Variants in SNX27 observed in about 807,000 individuals in gnomAD.
The protein encoded by SNX27 is sorting nexin 27.
SNX27 carries 22 observed loss-of-function variants against 71.6 expected under a neutral mutation model. The observed-to-expected ratio is 0.31, with a 90% CI of 0.22 to 0.44. The LOEUF is 0.44. Ranked by LOEUF, SNX27 falls within the 20% of genes least tolerant of loss-of-function variation. The pLI is 1.00. For missense variants in SNX27, 531 were observed against 698.6 expected (o/e 0.76, Z 2.70); for synonymous variants, 269 against 277.2 (o/e 0.97, Z 0.29).
chr1:151,650,516 A>G (rs1231170345), intron 2 of SNX27, among the ~76,000 whole-genome samples: 1 of 151,856 alleles, frequency 6.6e-6, no homozygotes, highest in Non-Finnish European at 1.5e-5. Context: ...TGGAGGTTCT[A>G]GTTACCTGTG....
chr1:151,657,964 G>A (rs1258901034), intron 2 of SNX27, among the ~76,000 whole-genome samples: 2 of 152,092 alleles, frequency 1.3e-5, no homozygotes, highest in Non-Finnish European at 2.9e-5. Context: ...TCATGCCACT[G>A]CACTCCAGCC....
chr1:151,667,139 G>A (rs1174276180), intron 6 of SNX27: 1 of 150,480 alleles, frequency 6.6e-6, no homozygotes, highest in Non-Finnish European at 1.5e-5. Context: ...GGCGGTCCAA[G>A]CTAGGAGGCT....
At chr1:151,632,022 T>G (rs1426680556) in intron 1 of SNX27, among the ~76,000 whole-genome samples, 1 of 152,174 alleles carries the variant, frequency 6.6e-6, no homozygotes, top group Non-Finnish European at 1.5e-5. Context: ...AAAAAGAATC[T>G]GAATTATGTT....
At chr1:151,691,634 C>G (rs1671455644) in intron 8 of SNX27, among the ~76,000 whole-genome samples, 1 of 151,624 alleles carries the variant, frequency 6.6e-6, no homozygotes, top group Non-Finnish European at 1.5e-5. Context: ...CCATGCTTGG[C>G]TAATTTTTTG....
At chr1:151,678,581 T>C (rs767450714) in intron 7 of SNX27, 1 of 152,234 alleles carries the variant, frequency 6.6e-6, no homozygotes, top group Non-Finnish European at 1.5e-5. Context: ...AGATATCTTG[T>C]TGAGATCCTT....
At chr1:151,657,491 C>T (rs1669750031) in intron 2 of SNX27, among the ~76,000 whole-genome samples, 2 of 152,052 alleles carry the variant, frequency 1.3e-5, no homozygotes, top group Admixed American at 1.3e-4. Context: ...CATTTTTAGG[C>T]CTTTTCTTTG....
At chr1:151,673,515 T>C (rs1670536783) in intron 7 of SNX27, among the ~76,000 whole-genome samples, 1 of 152,130 alleles carries the variant, frequency 6.6e-6, no homozygotes, top group Non-Finnish European at 1.5e-5. Context: ...TTGGATGAAG[T>C]GTTCTGTAAA....
rs769399971 is a variant in SNX27 at position 151,639,171 on chromosome 1, T to A, written c.543+52T>A. On this transcript the variant is annotated intron_variant, in intron 2 of 11. Coordinates refer to ENST00000458013, the MANE Select transcript of SNX27 (RefSeq NM_001330723.2). ...GAACATCTAGCTTTGTTTCCCCTAGTCTTATAATTATGAAACTATTATAGT... is the reference window on the plus strand; with the variant it reads ...GAACATCTAGCTTTGTTTCCCCTAGACTTATAATTATGAAACTATTATAGT... The A allele has an allele frequency of 4.7e-6, 7 of 1,498,298 alleles. No homozygotes were observed. The East Asian group carries it at 1.6e-4, about 34-fold the overall frequency. The allele number at this position is 1,498,298 out of a possible 1,614,324, so 92.8% of individuals were successfully genotyped here. A position where few individuals can be genotyped will look rare whatever the true frequency, so the allele number is the denominator to read the frequency against.
At chr1:151,691,680 T>C (rs1457917002) in intron 8 of SNX27, among the ~76,000 whole-genome samples, 1 of 151,844 alleles carries the variant, frequency 6.6e-6, no homozygotes, top group African/African-American at 2.4e-5. Context: ...TGAGACATGG[T>C]CATGCCACTG....
At chr1:151,659,006 T>C (rs1366628644) in intron 3 of SNX27, among the ~76,000 whole-genome samples, 4 of 152,158 alleles carry the variant, frequency 2.6e-5, no homozygotes, top group Admixed American at 1.3e-4. Context: ...CAAACACATA[T>C]AGACTCAGCA....
intron 1 of SNX27, chr1:151,613,482 C>G (rs1277245656): frequency 6.6e-6 from 1 of 152,450 alleles, no homozygotes; most frequent in East Asian, 1.9e-4. Flanking sequence ...ATGCCCGTCT[C>G]TGCTGCCTCT....
At chr1:151,632,162 GTT>G (rs553648123) in intron 1 of SNX27, among the ~76,000 whole-genome samples, 1 of 143,318 alleles carries the variant, frequency 7.0e-6, no homozygotes, top group African/African-American at 2.5e-5. Context: ...TGCGGAGGTT[GTT>G]TTTTTTTTTT....
intron 7 of SNX27, among the ~76,000 whole-genome samples, chr1:151,675,171 G>A (rs978327560): frequency 3.3e-5 from 5 of 149,926 alleles, no homozygotes; most frequent in Non-Finnish European, 7.4e-5. Context: ...TTCAGGTTTT[G>A]TAAGTTACTA....
chr1:151,644,377 A>G (rs1668928528), intron 2 of SNX27, among the ~76,000 whole-genome samples: 1 of 152,216 alleles, frequency 6.6e-6, no homozygotes, highest in Non-Finnish European at 1.5e-5. Flanking sequence ...TTTCATAGAA[A>G]TGGAATCATG....
intron 8 of SNX27, among the ~76,000 whole-genome samples, chr1:151,689,492 T>G (rs1336365115): frequency 6.6e-6 from 1 of 152,254 alleles, no homozygotes; most frequent in Non-Finnish European, 1.5e-5. Context: ...CCCAAATCCC[T>G]GCCTTTGTCG....
Position 151,696,506 on chromosome 1 carries a change from GTTCT to G in SNX27, c.*2093_*2096del, listed in dbSNP as rs1558082949. On this transcript the variant is annotated 3_prime_UTR_variant, in exon 12 of 12. Transcript: ENST00000458013. ...CTTTCTTTCTTTCTTTCTTTCTTTC[GTTCT>G]TTCGTTCTTTCGTTCTTTCTTTCTT... is the stretch of plus-strand genomic sequence containing the variant. 6.1e-5 allele frequency: 5 copies of G among 82,266 alleles called. No individual in the cohort carries two copies. Among genetic ancestry groups the G allele is most frequent in the Non-Finnish European group, 9.6e-5 (4 of 41,732 alleles). 5.1% of individuals were successfully genotyped at this position (82,266 alleles called of 1,614,324 possible).
At chr1:151,615,574 T>C (rs1365195960) in intron 1 of SNX27, 2 of 389,970 alleles carry the variant, frequency 5.1e-6, no homozygotes, top group Non-Finnish European at 7.0e-6. Context: ...AAAGTTTACC[T>C]CTGTTGTCCC....
intron 1 of SNX27, among the ~76,000 whole-genome samples, chr1:151,638,014 A>G (rs889097787): frequency 1.3e-5 from 2 of 152,236 alleles, no homozygotes; most frequent in African/African-American, 4.8e-5. Flanking sequence ...GCATTCTGGA[A>G]GGTAGTTTGG....
At chr1:151,684,129 A>G (rs1300369231) in intron 8 of SNX27, among the ~76,000 whole-genome samples, 1 of 152,228 alleles carries the variant, frequency 6.6e-6, no homozygotes, top group African/African-American at 2.4e-5. Context: ...TAGCAAAATC[A>G]TTTGTTTTTA....
Sources: gnomAD v4.1 joint callset for allele counts (sites outside exome capture counted in the v4.1 genomes callset) on GRCh38, gnomAD v4.1.1 for gene constraint, MANE v1.5 for transcripts, NCBI Gene and HGNC (gene_info 2026-07-23, HGNC 2026-07-21) for gene names.